ZNF718: variants seen among roughly 807,000 people sequenced by gnomAD.
The protein encoded by ZNF718 is zinc finger protein 718.
In ZNF718, 3 loss-of-function variants were observed where a neutral mutation model predicts 2.6. The observed-to-expected ratio is 1.16, with a 90% CI of 0.53 to 3.01. ZNF718 has a LOEUF of 3.01. Ranked by LOEUF, ZNF718 falls within the 30% of genes most tolerant of loss-of-function variation. ZNF718 has a pLI of 0.03. For missense variants in ZNF718, 468 were observed against 230.0 expected (o/e 2.03, Z -6.69); for synonymous variants, 135 against 77.9 (o/e 1.73, Z -3.86).
At chr4:185,916 A>G (rs1407228107) in intron 3 of ZNF718, among the ~76,000 whole-genome samples, 1 of 152,072 alleles carries the variant, frequency 6.6e-6, no homozygotes, top group Non-Finnish European at 1.5e-5. Flanking sequence ...TCTTTTGAAG[A>G]CAGCGTACCA....
chr4:126,829 CTT>C (rs568758270), intron 1 of ZNF718, among the ~76,000 whole-genome samples: 9 of 141,622 alleles, frequency 6.4e-5, no homozygotes, highest in Admixed American at 1.4e-4. Flanking sequence ...TAATTTTTCT[CTT>C]TTTTTTTTTT....
At chr4:169,906 AT>A (rs1671054833) in intron 3 of ZNF718, among the ~76,000 whole-genome samples, 4 of 151,624 alleles carry the variant, frequency 2.6e-5, no homozygotes, top group African/African-American at 9.7e-5. Flanking sequence ...TTAGCTGGTT[AT>A]TTTGCTCATC....
chr4:184,676 G>C (rs1717533724), intron 3 of ZNF718, among the ~76,000 whole-genome samples: 1 of 151,950 alleles, frequency 6.6e-6, no homozygotes. Context: ...CTCTATTACT[G>C]TCTCAAATTC....
At chr4:125,793 C>T (rs1715183936) in intron 1 of ZNF718, among the ~76,000 whole-genome samples, 1 of 152,242 alleles carries the variant, frequency 6.6e-6, no homozygotes, top group Non-Finnish European at 1.5e-5. Flanking sequence ...ATTCGCACGG[C>T]CACACCTGGC....
At chr4:167,475 C>T (rs1471443860), downstream of ZNF718, among the ~76,000 whole-genome samples, 1 of 152,238 alleles carries the variant, frequency 6.6e-6, no homozygotes, top group East Asian at 1.9e-4. Context: ...ATTCTTCCTA[C>T]CCATGAGCGT....
In ZNF718 at chr4:161,591, G is replaced by C. The variant is rs782167365; in HGVS notation, c.906G>C (p.Lys302Asn). The C allele has an allele frequency of 3.8e-6, 3 of 780,752 alleles. No homozygotes were observed. Among genetic ancestry groups the C allele is most frequent in the Non-Finnish European group, 7.2e-6 (3 of 417,982 alleles). The allele number at this position is 780,752 out of a possible 1,614,324, so 48.4% of individuals were successfully genotyped here. A position where few individuals can be genotyped will look rare whatever the true frequency, so the allele number is the denominator to read the frequency against. ...GGTCCTCATCCCTTAATGAACATAAGAGAATTCATGCTGGAGAGAAACCCT... is the reference window on the plus strand; with the variant it reads ...GGTCCTCATCCCTTAATGAACATAACAGAATTCATGCTGGAGAGAAACCCT... ...FKWSSSLNEH[K>N]RIHAGEKPFS... Residue 302 changes from lysine to asparagine, a missense_variant, in exon 4 of 4, where the codon AAG becomes AAC. Coordinates refer to ENST00000510175, the MANE Select transcript of ZNF718 (RefSeq NM_001039127.6).
intron 3 of ZNF718, among the ~76,000 whole-genome samples, chr4:179,879 G>A (rs1182207040): frequency 2.0e-5 from 3 of 151,826 alleles, no homozygotes; most frequent in Admixed American, 2.0e-4. Context: ...CTAATGTTTG[G>A]CATTGTGTCA....
chr4:188,000 C>T (rs2108815413), intron 3 of ZNF718, among the ~76,000 whole-genome samples: 1 of 152,260 alleles, frequency 6.6e-6, no homozygotes, highest in African/African-American at 2.4e-5. Flanking sequence ...GGATTGGGGT[C>T]CCATTTAAAG....
downstream of ZNF718, among the ~76,000 whole-genome samples, chr4:168,444 A>G (rs1553817339): frequency 6.6e-6 from 1 of 152,074 alleles, no homozygotes; most frequent in East Asian, 1.9e-4. Context: ...TCCTCCTTGT[A>G]CCTCTGGTAG....
At chr4:153,327 A>C (rs1423591852) in intron 3 of ZNF718, among the ~76,000 whole-genome samples, 1 of 152,024 alleles carries the variant, frequency 6.6e-6, no homozygotes, top group African/African-American at 2.4e-5. Context: ...TTTATATTAT[A>C]TTATGGAGTC....
intron 3 of ZNF718, among the ~76,000 whole-genome samples, chr4:156,337 T>C (rs1237800513): frequency 6.6e-6 from 1 of 152,224 alleles, no homozygotes; most frequent in Non-Finnish European, 1.5e-5. Flanking sequence ...TTTTACCCTG[T>C]CTAGGTGAGT....
At chr4:143,466 G>C (rs945059342) in intron 3 of ZNF718, among the ~76,000 whole-genome samples, 2 of 152,182 alleles carry the variant, frequency 1.3e-5, no homozygotes, top group South Asian at 2.1e-4. Flanking sequence ...GATTACAGGC[G>C]TGAGCCAGTG....
intron 3 of ZNF718, among the ~76,000 whole-genome samples, chr4:177,193 A>G (rs1399086955): frequency 1.3e-5 from 2 of 152,150 alleles, no homozygotes; most frequent in African/African-American, 4.8e-5. Context: ...TGCCTCCTCA[A>G]CTTTCCACAA....
rs782158292 is a variant in ZNF718 at position 161,285 on chromosome 4, A to G, written c.600A>G (p.Thr200=). The change falls in exon 4 of 4, where the codon ACA becomes ACG. Residue 200 remains threonine, a synonymous_variant. Coordinates refer to ENST00000510175, the MANE Select transcript of ZNF718 (RefSeq NM_001039127.6). The part of the protein sequence containing the change: ...KRIHTGENPY[T]CEECGKAFNW... Reference sequence around the variant, plus strand: ...TTCATACTGGAGAGAACCCCTACACATGTGAAGAATGTGGCAAAGCCTTTA... The same window carrying G: ...TTCATACTGGAGAGAACCCCTACACGTGTGAAGAATGTGGCAAAGCCTTTA... 18 of 781,988 alleles carry G rather than the reference A, an allele frequency of 2.3e-5. No homozygotes were observed. The highest frequency in any genetic ancestry group is 3.4e-5 in the Admixed American group (2 of 58,830). 48.4% of individuals were successfully genotyped at this position (781,988 alleles called of 1,614,324 possible).
At position 193,956 on chromosome 4, in the gene ZNF718, G is replaced by A. The variant is rs144956622; in HGVS notation, c.227-7125G>A. On this transcript the variant is annotated intron_variant and NMD_transcript_variant, in intron 3 of 4. Coordinates refer to the ZNF718 transcript ENST00000642529. Reference sequence around the variant, plus strand: ...CTTTTTTAAAGTGTCCTTGTAGACCGCACTGGAAGCAGCCCCTATTAGGCA... The same window carrying A: ...CTTTTTTAAAGTGTCCTTGTAGACCACACTGGAAGCAGCCCCTATTAGGCA... 4.5e-3 allele frequency among the ~76,000 whole-genome samples: 683 copies of A among 152,224 alleles called. 3 individuals carry two copies. The highest frequency in any genetic ancestry group is 0.015 in the African/African-American group (643 of 41,536).
downstream of ZNF718, among the ~76,000 whole-genome samples, chr4:168,407 A>G (rs1407847310): frequency 2.0e-5 from 3 of 152,132 alleles, no homozygotes; most frequent in African/African-American, 7.2e-5. Flanking sequence ...TATTGATTGG[A>G]ATAGTTTCAG....
At chr4:179,176 A>G in intron 3 of ZNF718, among the ~76,000 whole-genome samples, 1 of 152,292 alleles carries the variant, frequency 6.6e-6, no homozygotes, top group East Asian at 1.9e-4. Flanking sequence ...ATGATAACCT[A>G]GTAAAAAATT....
intron 3 of ZNF718, among the ~76,000 whole-genome samples, chr4:195,600 T>C (rs1165465046): frequency 6.6e-6 from 1 of 152,062 alleles, no homozygotes; most frequent in Non-Finnish European, 1.5e-5. Context: ...TTTTTTTGAC[T>C]TAGGATAGCT....
intron 3 of ZNF718, among the ~76,000 whole-genome samples, chr4:170,772 C>A (rs1345648986): frequency 6.6e-6 from 1 of 152,042 alleles, no homozygotes; most frequent in African/African-American, 2.4e-5. Context: ...AGGTTTTTAA[C>A]TTCTTTGCCA....
Sources: gnomAD v4.1 joint callset for allele counts (sites outside exome capture counted in the v4.1 genomes callset) on GRCh38, gnomAD v4.1.1 for gene constraint, MANE v1.5 for transcripts, NCBI Gene and HGNC (gene_info 2026-07-23, HGNC 2026-07-21) for gene names.